The following STAU2 variants were observed in gnomAD, a reference collection of about 807,000 sequenced individuals.
The protein encoded by STAU2 is double-stranded RNA-binding protein Staufen homolog 2.
Under a neutral mutation model 65.9 loss-of-function variants are expected in STAU2, and 20 were observed. The ratio of observed to expected loss-of-function variants is 0.30; its 90% confidence interval spans 0.21 to 0.44. The LOEUF is 0.44. STAU2 is among the 20% of genes least tolerant of loss of function. The pLI is 1.00. For missense variants in STAU2, 558 were observed against 683.9 expected, an observed-to-expected ratio of 0.82 and a Z score of 2.05; for synonymous variants, 232 against 233.9, an observed-to-expected ratio of 0.99 and a Z score of 0.07.
intron 6 of STAU2, chr8:73,651,163 G>A: frequency 1.7e-6 from 2 of 1,196,958 alleles, no homozygotes; most frequent in Admixed American, 2.0e-5. Context: ...CCCGGACCAG[G>A]CATCGGGCCC....
chr8:73,682,415 T>G (rs1489514965), intron 5 of STAU2, among the ~76,000 whole-genome samples: 3 of 151,514 alleles, frequency 2.0e-5, no homozygotes, highest in Non-Finnish European at 4.4e-5. Context: ...AATTTAAGAA[T>G]TTGAACTGAA....
Position 73,550,145 on chromosome 8 carries a change from C to A in STAU2, c.1530+1867G>T, listed in dbSNP as rs1029239321. The A allele has an allele frequency of 5.1e-6, 5 of 985,294 alleles. No individual in the cohort carries two copies. The African/African-American group carries it at 8.7e-5, about 17-fold the overall frequency. 61.0% of individuals were successfully genotyped at this position (985,294 alleles called of 1,614,324 possible). A position where few individuals can be genotyped will look rare whatever the true frequency, so the allele number is the denominator to read the frequency against. ...ATACCAGCTCATTCAACCAAAGAAG[C>A]ACAGTAATATTTTAAAATCACCTGT... On this transcript the variant is annotated intron_variant, in intron 13 of 14. Transcript: ENST00000524300.
chr8:73,569,460 G>A (rs1245457527), intron 12 of STAU2, among the ~76,000 whole-genome samples: 1 of 152,048 alleles, frequency 6.6e-6, no homozygotes, highest in Non-Finnish European at 1.5e-5. Context: ...GAAGAGAGTA[G>A]TGGTTCTCCC....
intron 5 of STAU2, among the ~76,000 whole-genome samples, chr8:73,687,381 T>TA (rs1467124621): frequency 9.3e-6 from 1 of 107,412 alleles, no homozygotes; most frequent in Admixed American, 1.1e-4. Context: ...TTATAATTTA[T>TA]ATTTATAAAA....
intron 13 of STAU2, among the ~76,000 whole-genome samples, chr8:73,455,847 A>G (rs1563602733): frequency 6.6e-6 from 1 of 152,212 alleles, no homozygotes; most frequent in Non-Finnish European, 1.5e-5. Context: ...GGTGATGTAC[A>G]TATCTCTCTA....
intron 13 of STAU2, among the ~76,000 whole-genome samples, chr8:73,449,790 G>A (rs1252044985): frequency 6.6e-6 from 1 of 152,176 alleles, no homozygotes; most frequent in Non-Finnish European, 1.5e-5. Context: ...GGACTCCTGA[G>A]GCCCAGGAGG....
intron 4 of STAU2, among the ~76,000 whole-genome samples, chr8:73,700,867 A>C (rs145077739): frequency 0.011 from 1,665 of 152,294 alleles, 27 homozygotes; most frequent in African/African-American, 0.038. Flanking sequence ...ATCTGACTTC[A>C]AATTATACTA....
At chr8:73,506,749 T>A (rs756188956) in intron 13 of STAU2, among the ~76,000 whole-genome samples, 2 of 152,188 alleles carry the variant, frequency 1.3e-5, no homozygotes, top group Non-Finnish European at 2.9e-5. Context: ...TGCAATGCTG[T>A]TTGATAATAT....
intron 5 of STAU2, among the ~76,000 whole-genome samples, chr8:73,686,790 C>A (rs1433835713): frequency 6.6e-6 from 1 of 150,926 alleles, no homozygotes; most frequent in Non-Finnish European, 1.5e-5. Flanking sequence ...GCAATTAGAA[C>A]AACTCTTTAA....
chr8:73,513,960 A>C (rs1182490243), intron 13 of STAU2, among the ~76,000 whole-genome samples: 1 of 152,190 alleles, frequency 6.6e-6, no homozygotes, highest in African/African-American at 2.4e-5. Flanking sequence ...TTGGAGCACT[A>C]TAGTTTGTCT....
chr8:73,457,642 T>C (rs1819139832), intron 13 of STAU2, among the ~76,000 whole-genome samples: 1 of 152,260 alleles, frequency 6.6e-6, no homozygotes, highest in Non-Finnish European at 1.5e-5. Context: ...TATTTAAGTC[T>C]GGGTTTAAAT....
Position 73,460,239 on chromosome 8 carries a change from A to G in STAU2, c.1531-37537T>C, listed in dbSNP as rs564415127. ...AGCTGTGGTCTCTATATTTAATCAAACAAAAACTAGAAGAAAATGGGGGCA... is the reference window on the plus strand; with the variant it reads ...AGCTGTGGTCTCTATATTTAATCAAGCAAAAACTAGAAGAAAATGGGGGCA... On this transcript the variant is annotated intron_variant, in intron 13 of 14. Transcript: ENST00000524300. 4.6e-5 allele frequency among the ~76,000 whole-genome samples: 7 copies of G among 152,314 alleles called. No homozygotes were observed. In the East Asian group the frequency reaches 1.2e-3, roughly 25 times the overall value.
intron 6 of STAU2, among the ~76,000 whole-genome samples, chr8:73,664,559 G>T (rs1179255475): frequency 1.3e-5 from 2 of 152,132 alleles, no homozygotes; most frequent in Non-Finnish European, 2.9e-5. Context: ...TGATATGGTT[G>T]TTCTCCTTTA....
At chr8:73,668,506 G>A (rs912218244) in intron 6 of STAU2, among the ~76,000 whole-genome samples, 1 of 152,166 alleles carries the variant, frequency 6.6e-6, no homozygotes, top group Non-Finnish European at 1.5e-5. Flanking sequence ...ATACAAAATT[G>A]AAAAACTGTC....
intron 6 of STAU2, among the ~76,000 whole-genome samples, chr8:73,639,411 A>C (rs1490356624): frequency 6.6e-6 from 1 of 152,114 alleles, no homozygotes; most frequent in African/African-American, 2.4e-5. Flanking sequence ...AGAATTTATT[A>C]CCAAAACATC....
intron 13 of STAU2, among the ~76,000 whole-genome samples, chr8:73,468,395 G>A (rs1417360057): frequency 6.6e-6 from 1 of 152,136 alleles, no homozygotes; most frequent in African/African-American, 2.4e-5. Flanking sequence ...ATAGGCATAG[G>A]CAAGGACTTC....
chr8:73,439,543 G>A (rs373834630), intron 13 of STAU2, among the ~76,000 whole-genome samples: 4 of 152,312 alleles, frequency 2.6e-5, no homozygotes, highest in South Asian at 4.1e-4. Flanking sequence ...GCTTGAACCC[G>A]GGAGGTAGAG....
At chr8:73,436,539 C>T (rs1164806604) in intron 13 of STAU2, among the ~76,000 whole-genome samples, 1 of 149,754 alleles carries the variant, frequency 6.7e-6, no homozygotes. Context: ...CATCCATCAC[C>T]CAGATGAATT....
At chr8:73,626,832 G>T (rs915121126) in intron 6 of STAU2, among the ~76,000 whole-genome samples, 1 of 152,132 alleles carries the variant, frequency 6.6e-6, no homozygotes, top group Non-Finnish European at 1.5e-5. Flanking sequence ...TGAAAAATGG[G>T]TGATCAACTC....
Sources: gnomAD v4.1 joint callset for allele counts (sites outside exome capture counted in the v4.1 genomes callset) on GRCh38, gnomAD v4.1.1 for gene constraint, MANE v1.5 for transcripts, NCBI Gene and HGNC (gene_info 2026-07-23, HGNC 2026-07-21) for gene names.